The following CA12 variants were observed in gnomAD, a reference collection of about 807,000 sequenced individuals.
The protein encoded by CA12 is carbonate dehydratase XII.
CA12 carries 36 observed loss-of-function variants against 46.8 expected under a neutral mutation model. The observed-to-expected ratio is 0.77, with a 90% CI of 0.59 to 1.02. CA12 has a LOEUF of 1.02. CA12 is among the 50% of genes least tolerant of loss of function. The pLI is 0.00. For synonymous variants in CA12, 202 were observed against 187.0 expected (o/e 1.08, Z -0.65); for missense variants, 436 against 451.4 (o/e 0.97, Z 0.31).
At chr15:63,351,360 C>T (rs1000781423) in intron 2 of CA12, among the ~76,000 whole-genome samples, 2 of 152,200 alleles carry the variant, frequency 1.3e-5, no homozygotes, top group African/African-American at 4.8e-5. Context: ...GGCTCTCCTG[C>T]AGTAACCAGA....
chr15:63,365,048 A>G (rs2039420640), intron 2 of CA12, among the ~76,000 whole-genome samples: 1 of 152,190 alleles, frequency 6.6e-6, no homozygotes. Context: ...CCTAGACTCA[A>G]GTGATCCTCC....
intron 4 of CA12, among the ~76,000 whole-genome samples, chr15:63,343,079 A>T (rs924331816): frequency 6.6e-6 from 1 of 151,986 alleles, no homozygotes; most frequent in South Asian, 2.1e-4. Context: ...TGCCCACACC[A>T]TCTCGGCCTG....
intron 4 of CA12, among the ~76,000 whole-genome samples, chr15:63,342,816 G>A (rs1567044834): frequency 1.3e-5 from 2 of 152,102 alleles, no homozygotes; most frequent in Non-Finnish European, 2.9e-5. Context: ...TTGAGACTAT[G>A]ACATATTGAG....
intron 2 of CA12, among the ~76,000 whole-genome samples, chr15:63,366,834 A>G (rs962525648): frequency 6.6e-5 from 10 of 152,228 alleles, no homozygotes; most frequent in Non-Finnish European, 1.2e-4. Flanking sequence ...CTAGATGAAA[A>G]TCCAGAAATC....
In CA12 at chr15:63,329,207, C is replaced by T. The variant is rs1409151351; in HGVS notation, c.875-1077G>A. The stretch of plus-strand genomic sequence containing the variant: ...TTGCTTTGTCCCTCCTGGACAAACG[C>T]CTTCACCACATCAGCCCCACTTCTC... On this transcript the variant is annotated intron_variant, in intron 8 of 10. Coordinates refer to ENST00000178638, the MANE Select transcript of CA12 (RefSeq NM_001218.5). This position sits in a 1 kb window ranked among gnomAD's most constrained non-coding sequence, Gnocchi z 4.8. 1.3e-5 allele frequency among the ~76,000 whole-genome samples: 2 copies of T among 152,234 alleles called. No individual in the cohort carries two copies. Among genetic ancestry groups the T allele is most frequent in the Non-Finnish European group, 1.5e-5 (1 of 68,050 alleles).
At position 63,331,873 on chromosome 15, in the gene CA12, A is replaced by T. The variant is rs1188881801; in HGVS notation, c.875-3743T>A. On this transcript the variant is annotated intron_variant, in intron 8 of 10. Coordinates refer to ENST00000178638, the MANE Select transcript of CA12 (RefSeq NM_001218.5). The surrounding 1 kb of genome is among the most constrained non-coding windows in gnomAD (Gnocchi z 5.3). The stretch of plus-strand genomic sequence containing the variant: ...GAAGCCTCAAGCATAAACACAGAAG[A>T]GTCCAGCACGAGGAACAAGCACCTC... 1 of 152,174 alleles carries T rather than the reference A, an allele frequency of 6.6e-6. No homozygotes were observed. Among genetic ancestry groups the T allele is most frequent in the Non-Finnish European group, 1.5e-5 (1 of 68,036 alleles). The allele number at this position is 152,174 out of a possible 1,614,324, so 9.4% of individuals were successfully genotyped here.
chr15:63,326,473 A>T, intron 10 of CA12, 116 bp from the exon 11 acceptor site: 1 of 781,170 alleles, frequency 1.3e-6, no homozygotes, highest in Non-Finnish European at 2.3e-6. Context: ...TCTCTTTGGG[A>T]CCTTTCCCCA....
At position 63,373,592 on chromosome 15, in the gene CA12, C is replaced by T. The variant is rs576219439; in HGVS notation, c.106+2066G>A. ...GGGTCAGTGATTCTCTGATAGAGTG[C>T]AGCTAAGAATCACTTGGGGAGTGCG... On this transcript the variant is annotated intron_variant, in intron 2 of 10. Transcript: ENST00000178638. This position sits in a 1 kb window ranked among gnomAD's most constrained non-coding sequence, Gnocchi z 4.9. Among the ~76,000 whole-genome samples, 6 of 152,312 alleles carry T rather than the reference C, an allele frequency of 3.9e-5. No individual in the cohort carries two copies. Among genetic ancestry groups the T allele is most frequent in the Non-Finnish European group, 2.9e-5 (2 of 68,030 alleles).
intron 2 of CA12, among the ~76,000 whole-genome samples, chr15:63,370,600 C>A (rs1029628503): frequency 7.2e-5 from 11 of 151,780 alleles, no homozygotes; most frequent in African/African-American, 2.4e-4. Context: ...TGGTGAAACC[C>A]CGTCTCTATT....
intron 2 of CA12, among the ~76,000 whole-genome samples, chr15:63,347,075 T>C (rs1231586934): frequency 6.6e-6 from 1 of 152,250 alleles, no homozygotes; most frequent in African/African-American, 2.4e-5. Flanking sequence ...CTCTGGGTCT[T>C]GGGGCTGCCA....
rs2038828273 is a variant in CA12 at position 63,323,855 on chromosome 15, A to G, written c.*2430T>C. The G allele has an allele frequency of 6.6e-6, 1 of 152,250 alleles. No individual in the cohort carries two copies. The highest frequency in any genetic ancestry group is 6.5e-5 in the Admixed American group (1 of 15,288). 9.4% of individuals were successfully genotyped at this position (152,250 alleles called of 1,614,324 possible). ...AGATGATACTAACTAAACAAACAGAACAAAGAAAGAGATTCAAGATCTCAC... is the reference window on the plus strand; with the variant it reads ...AGATGATACTAACTAAACAAACAGAGCAAAGAAAGAGATTCAAGATCTCAC... On this transcript the variant is annotated 3_prime_UTR_variant, in exon 11 of 11. Transcript: ENST00000178638. The surrounding 1 kb of genome is among the most constrained non-coding windows in gnomAD (Gnocchi z 5.1).
chr15:63,347,932 C>T (rs2039174552), intron 2 of CA12, among the ~76,000 whole-genome samples: 1 of 152,176 alleles, frequency 6.6e-6, no homozygotes, highest in Non-Finnish European at 1.5e-5. Context: ...CTGTAGACCC[C>T]TGCACTGTTT....
At chr15:63,336,897 A>C (rs938512656) in intron 8 of CA12, among the ~76,000 whole-genome samples, 1 of 152,192 alleles carries the variant, frequency 6.6e-6, no homozygotes, top group Non-Finnish European at 1.5e-5. Flanking sequence ...GCAAAATTCT[A>C]TCTGATCTAT....
intron 2 of CA12, among the ~76,000 whole-genome samples, chr15:63,368,338 G>GGTGCCTGCGCTCCACCA: frequency 6.6e-6 from 1 of 152,082 alleles, no homozygotes; most frequent in South Asian, 2.1e-4. Flanking sequence ...GCGCTCCACC[G>GGTGCCTGCGCTCCACCA]TGGTGCCTGC....
intron 2 of CA12, among the ~76,000 whole-genome samples, chr15:63,370,255 G>T (rs924767566): frequency 1.3e-4 from 20 of 151,686 alleles, no homozygotes; most frequent in African/African-American, 4.6e-4. Flanking sequence ...GAGGCCAGGA[G>T]TTCAAGACCA....
At chr15:63,375,490 T>A in intron 2 of CA12, 168 bp downstream of exon 2, 1 of 579,498 alleles carries the variant, frequency 1.7e-6, no homozygotes, top group Non-Finnish European at 3.1e-6. Context: ...GCAACCCAAG[T>A]TGAAGTGTTC....
At chr15:63,336,784 A>G in intron 8 of CA12, among the ~76,000 whole-genome samples, 1 of 151,538 alleles carries the variant, frequency 6.6e-6, no homozygotes, top group Non-Finnish European at 1.5e-5. Flanking sequence ...CAGGCCTTGA[A>G]CCTAGGCCTC....
Position 63,331,673 on chromosome 15 carries a change from T to C in CA12, c.875-3543A>G, listed in dbSNP as rs1595774946. ...CACACACAAGGAAACCACACAGATATAGAAGAACTCGATGGTCACACACCT... is the reference window on the plus strand; with the variant it reads ...CACACACAAGGAAACCACACAGATACAGAAGAACTCGATGGTCACACACCT... On this transcript the variant is annotated intron_variant, in intron 8 of 10. Coordinates refer to ENST00000178638, the MANE Select transcript of CA12 (RefSeq NM_001218.5). This position sits in a 1 kb window ranked among gnomAD's most constrained non-coding sequence, Gnocchi z 5.3. The C allele has an allele frequency of 6.6e-6, 1 of 152,104 alleles. No homozygotes were observed. Among genetic ancestry groups the C allele is most frequent in the African/African-American group, 2.4e-5 (1 of 41,406 alleles). 9.4% of individuals were successfully genotyped at this position (152,104 alleles called of 1,614,324 possible). A position where few individuals can be genotyped will look rare whatever the true frequency, so the allele number is the denominator to read the frequency against.
chr15:63,376,611 TCGCTCTCTCTCTTTC>T (rs776789408), intron 1 of CA12, among the ~76,000 whole-genome samples: 3 of 150,714 alleles, frequency 2.0e-5, no homozygotes, highest in African/African-American at 4.9e-5. Flanking sequence ...TCTCTCTCTC[TCGCTCTCTCTCTTTC>T]TTCTTTTTCT....
Sources: gnomAD v4.1 joint callset for allele counts (sites outside exome capture counted in the v4.1 genomes callset) on GRCh38, gnomAD v4.1.1 for gene constraint, Gnocchi (gnomAD v3.1) non-coding constraint, MANE v1.5 for transcripts, NCBI Gene and HGNC (gene_info 2026-07-23, HGNC 2026-07-21) for gene names.